Variants in SLC24A3 observed in about 807,000 individuals in gnomAD.
SLC24A3 encodes solute carrier family 24 member 3.
A neutral mutation model predicts 75.8 loss-of-function variants in SLC24A3; 28 were observed. The observed-to-expected ratio is 0.37, with a 90% confidence interval of 0.27 to 0.51. SLC24A3 has a LOEUF of 0.51. Among genes scored for constraint, SLC24A3 ranks in the 20% least tolerant of loss-of-function variants. The pLI, the probability that SLC24A3 is intolerant of heterozygous loss-of-function variation, is 0.94. For missense variants in SLC24A3, 663 were observed against 847.8 expected (o/e 0.78, Z 2.71); for synonymous variants, 372 against 334.1 (o/e 1.11, Z -1.24).
intron 2 of SLC24A3, among the ~76,000 whole-genome samples, chr20:19,324,478 G>A (rs1032203117): frequency 1.4e-4 from 21 of 152,142 alleles, no homozygotes; most frequent in African/African-American, 4.8e-4. Flanking sequence ...TTTTAAGAAC[G>A]TATCTTTCTC....
chr20:19,374,954 G>A (rs1277143088), intron 2 of SLC24A3, among the ~76,000 whole-genome samples: 1 of 152,146 alleles, frequency 6.6e-6, no homozygotes, highest in Non-Finnish European at 1.5e-5. Flanking sequence ...TACCCCTTGG[G>A]CAAGGTAACA....
At chr20:19,629,376 G>A (rs2031907481) in intron 6 of SLC24A3, among the ~76,000 whole-genome samples, 1 of 152,010 alleles carries the variant, frequency 6.6e-6, no homozygotes. Flanking sequence ...AAAACAAAAA[G>A]GATGAAGAAA....
intron 2 of SLC24A3, among the ~76,000 whole-genome samples, chr20:19,500,091 C>T (rs1336386028): frequency 2.0e-5 from 3 of 152,186 alleles, no homozygotes; most frequent in African/African-American, 4.8e-5. Flanking sequence ...TGGTGCACAC[C>T]TGTGTCCCTG....
chr20:19,696,015 C>CTTTTTTTT (rs778046824), intron 13 of SLC24A3, among the ~76,000 whole-genome samples: 11,578 of 107,462 alleles, frequency 0.11, 854 homozygotes, highest in Non-Finnish European at 0.12. Context: ...TTTTCCTTTT[C>CTTTTTTTT]TTTTTTTTTT....
At chr20:19,408,033 A>G (rs1986678710) in intron 2 of SLC24A3, among the ~76,000 whole-genome samples, 1 of 152,174 alleles carries the variant, frequency 6.6e-6, no homozygotes, top group Admixed American at 6.5e-5. Flanking sequence ...AGTTTGCAAA[A>G]CGCTTCTAAG....
intron 2 of SLC24A3, among the ~76,000 whole-genome samples, chr20:19,325,775 TACATATATATATATATATATAGAGAG>T (rs1367629217): frequency 1.5e-4 from 9 of 61,954 alleles, no homozygotes; most frequent in Non-Finnish European, 2.5e-4. Flanking sequence ...CATATATATA[TACATATATATATATATATATAGAGAG>T]AGAGAGAGAG....
chr20:19,529,335 C>T (rs2030253924), intron 3 of SLC24A3, among the ~76,000 whole-genome samples: 2 of 152,168 alleles, frequency 1.3e-5, no homozygotes, highest in Non-Finnish European at 2.9e-5. Flanking sequence ...CCTTGCAAAC[C>T]TGTTCGTCTC....
At chr20:19,422,780 A>G (rs1417262122) in intron 2 of SLC24A3, among the ~76,000 whole-genome samples, 1 of 152,238 alleles carries the variant, frequency 6.6e-6, no homozygotes, top group Non-Finnish European at 1.5e-5. Flanking sequence ...GTATTATTTT[A>G]GCAATCAGGA....
intron 2 of SLC24A3, among the ~76,000 whole-genome samples, chr20:19,493,772 C>T (rs993916988): frequency 6.6e-6 from 1 of 152,166 alleles, no homozygotes; most frequent in African/African-American, 2.4e-5. Flanking sequence ...AAGCCAATGG[C>T]CAGTTCATCC....
At chr20:19,529,867 G>A (rs965888689) in intron 3 of SLC24A3, among the ~76,000 whole-genome samples, 21 of 152,154 alleles carry the variant, frequency 1.4e-4, no homozygotes, top group Non-Finnish European at 2.4e-4. Context: ...CTGAAAATTT[G>A]ATTCCACTCT....
rs772870693 is a variant in SLC24A3, at chr20:19,306,442, A to C, written c.271+25355A>C. Among the ~76,000 whole-genome samples the C allele has an allele frequency of 5.9e-4, 90 of 152,212 alleles. 1 individual carries two copies. The highest frequency in any genetic ancestry group is 6.8e-4 in the Non-Finnish European group (46 of 68,022). ...ACTATTCACAGTAGTAAAGACATGA[A>C]ATCAACCTAGGTGTCCATCAATGGT... On this transcript the variant is annotated intron_variant, in intron 2 of 16. Transcript: ENST00000328041.
intron 2 of SLC24A3, among the ~76,000 whole-genome samples, chr20:19,383,712 C>T (rs1178651913): frequency 1.3e-5 from 2 of 152,184 alleles, no homozygotes; most frequent in African/African-American, 2.4e-5. Flanking sequence ...TTCTTTCTCA[C>T]AGTTCTGGAG....
intron 3 of SLC24A3, among the ~76,000 whole-genome samples, chr20:19,532,597 C>T (rs1193162935): frequency 6.6e-6 from 1 of 152,224 alleles, no homozygotes; most frequent in Non-Finnish European, 1.5e-5. Flanking sequence ...ATCCGTTTTG[C>T]TACCTTTGGC....
intron 6 of SLC24A3, among the ~76,000 whole-genome samples, chr20:19,586,548 C>T (rs2031299455): frequency 6.6e-6 from 1 of 152,142 alleles, no homozygotes; most frequent in African/African-American, 2.4e-5. Flanking sequence ...TTGCCAGGGC[C>T]CTCACCCCAC....
intron 2 of SLC24A3, among the ~76,000 whole-genome samples, chr20:19,508,717 GA>G (rs930632095): frequency 6.6e-6 from 1 of 152,246 alleles, no homozygotes; most frequent in African/African-American, 2.4e-5. Flanking sequence ...GGGATGCACT[GA>G]AAGGAAAATT....
chr20:19,558,054 A>G (rs897821838), intron 3 of SLC24A3, among the ~76,000 whole-genome samples: 6 of 152,114 alleles, frequency 3.9e-5, no homozygotes, highest in African/African-American at 1.4e-4. Context: ...AACCTGCAAT[A>G]GAAGATGGGG....
intron 2 of SLC24A3, among the ~76,000 whole-genome samples, chr20:19,303,803 G>C (rs929980093): frequency 1.3e-5 from 2 of 152,186 alleles, no homozygotes; most frequent in Non-Finnish European, 2.9e-5. Context: ...TATCCCTGAG[G>C]CTAAGTCTTG....
Position 19,376,936 on chromosome 20 carries a change from A to G in SLC24A3, c.271+95849A>G, listed in dbSNP as rs538014607. ...AAGTGCCAGGTGCAGGCATTGAAAA[A>G]TAACCCTGGGTGTTAATTATGCAGT... On this transcript the variant is annotated intron_variant, in intron 2 of 16. Coordinates refer to ENST00000328041, the MANE Select transcript of SLC24A3 (RefSeq NM_020689.4). Among the ~76,000 whole-genome samples the G allele has an allele frequency of 4.7e-4, 72 of 152,338 alleles. 2 individuals are homozygous for G. In the South Asian group the frequency reaches 0.014, roughly 31 times the overall value.
At chr20:19,370,748 A>G (rs558490669) in intron 2 of SLC24A3, among the ~76,000 whole-genome samples, 1 of 152,330 alleles carries the variant, frequency 6.6e-6, no homozygotes, top group East Asian at 1.9e-4. Flanking sequence ...GCACATTGTC[A>G]GGTCTTTCAA....
Sources: gnomAD v4.1 joint callset for allele counts (sites outside exome capture counted in the v4.1 genomes callset) on GRCh38, gnomAD v4.1.1 for gene constraint, MANE v1.5 for transcripts, NCBI Gene and HGNC (gene_info 2026-07-23, HGNC 2026-07-21) for gene names.